The following MACC1 variants were observed in gnomAD, a reference collection of about 807,000 sequenced individuals.
MACC1 encodes the protein metastasis-associated in colon cancer protein 1.
Under a neutral mutation model 70.7 loss-of-function variants are expected in MACC1, and 79 were observed. That is an observed-to-expected ratio of 1.12 (90% CI 0.93 to 1.35). The LOEUF (loss-of-function observed/expected upper bound fraction) is 1.35, where lower values mean the gene tolerates loss of function less well. Among genes scored for constraint, MACC1 ranks in the 40% most tolerant of loss-of-function variants. MACC1 has a pLI of 0.00. For synonymous variants in MACC1, 361 were observed against 347.2 expected (o/e 1.04, Z -0.44); for missense variants, 1,106 against 978.1 (o/e 1.13, Z -1.74).
chr7:20,150,272 G>A (rs1335134315), intron 6 of MACC1, among the ~76,000 whole-genome samples: 2 of 152,082 alleles, frequency 1.3e-5, no homozygotes, highest in Admixed American at 1.3e-4. Context: ...AGAACTGATA[G>A]ACCCAGAATA....
chr7:20,204,356 G>A (rs570259114), intron 1 of MACC1, among the ~76,000 whole-genome samples: 3 of 152,050 alleles, frequency 2.0e-5, no homozygotes, highest in Non-Finnish European at 4.4e-5. Flanking sequence ...GGGTTTCACC[G>A]TGTTAGCCAG....
At chr7:20,182,227 A>G (rs902123624) in intron 1 of MACC1, among the ~76,000 whole-genome samples, 20 of 151,424 alleles carry the variant, frequency 1.3e-4, no homozygotes, top group Non-Finnish European at 2.8e-4. Context: ...GCATTAGGAG[A>G]TATACCTAAT....
In MACC1 at chr7:20,141,077, G is replaced by A. The variant is rs781376207; in HGVS notation, c.2428C>T (p.Leu810Phe). ...TTCATTCTGTCCAAAGCTGACTGAA[G>A]GTCTTGTAACACATCTCTGTAGTTA... The part of the protein sequence containing the change: ...GNNYRDVLQD[L>F]QSALDRMKNP... The change falls in exon 7 of 7, where the codon CTT becomes TTT. Residue 810 changes from leucine (L) to phenylalanine (F), a missense_variant. Leu to Phe is a conservative substitution (Grantham distance 22). Transcript: ENST00000400331. 2.5e-6 allele frequency: 4 copies of A among 1,613,644 alleles called. No homozygotes were observed. The highest frequency in any genetic ancestry group is 3.3e-4 in the Middle Eastern group (2 of 6,062).
intron 6 of MACC1, among the ~76,000 whole-genome samples, chr7:20,149,802 A>G (rs1276441457): frequency 6.6e-6 from 1 of 152,154 alleles, no homozygotes; most frequent in African/African-American, 2.4e-5. Context: ...CAAAGCTAGC[A>G]TGTCTCCTAA....
intron 1 of MACC1, among the ~76,000 whole-genome samples, chr7:20,175,675 G>A (rs1476187092): frequency 1.3e-5 from 2 of 152,070 alleles, no homozygotes; most frequent in African/African-American, 4.8e-5. Context: ...ATTTCATCCT[G>A]TCACCAGAAG....
At chr7:20,193,829 G>C (rs1782708440) in intron 1 of MACC1, among the ~76,000 whole-genome samples, 1 of 150,174 alleles carries the variant, frequency 6.7e-6, no homozygotes, top group African/African-American at 2.5e-5. Flanking sequence ...ACCCTTAGGA[G>C]CCAGAAAGCA....
At chr7:20,209,086 G>T (rs941823923) in intron 1 of MACC1, among the ~76,000 whole-genome samples, 1 of 152,198 alleles carries the variant, frequency 6.6e-6, no homozygotes, top group African/African-American at 2.4e-5. Context: ...TGGATATCTA[G>T]GCAGAAGTTT....
intron 6 of MACC1, among the ~76,000 whole-genome samples, chr7:20,144,238 C>T (rs531944594): frequency 1.3e-5 from 2 of 152,304 alleles, no homozygotes; most frequent in African/African-American, 2.4e-5. Flanking sequence ...TTGCATGACT[C>T]TTGCTTTTAG....
intron 6 of MACC1, among the ~76,000 whole-genome samples, chr7:20,147,741 A>G (rs1312416220): frequency 6.6e-6 from 1 of 152,206 alleles, no homozygotes; most frequent in Non-Finnish European, 1.5e-5. Flanking sequence ...AACCAGCTAA[A>G]TTTGGGTGAG....
intron 1 of MACC1, among the ~76,000 whole-genome samples, chr7:20,171,060 T>A (rs1204102515): frequency 1.3e-5 from 2 of 152,186 alleles, no homozygotes; most frequent in Non-Finnish European, 2.9e-5. Context: ...ATGAACTCTT[T>A]GTCAAAGCAG....
chr7:20,177,952 T>C (rs1283483255), intron 1 of MACC1, among the ~76,000 whole-genome samples: 1 of 152,110 alleles, frequency 6.6e-6, no homozygotes, highest in Admixed American at 6.5e-5. Flanking sequence ...TTTAAAAACA[T>C]GATTTTTAAA....
intron 1 of MACC1, among the ~76,000 whole-genome samples, chr7:20,182,001 C>T (rs889295267): frequency 1.3e-5 from 2 of 151,770 alleles, no homozygotes; most frequent in African/African-American, 4.8e-5. Flanking sequence ...CCATGGAATA[C>T]TATGCAGCCA....
At chr7:20,212,956 G>A (rs943287429) in intron 1 of MACC1, among the ~76,000 whole-genome samples, 2 of 152,158 alleles carry the variant, frequency 1.3e-5, no homozygotes, top group African/African-American at 2.4e-5. Flanking sequence ...AAAGAAATGA[G>A]ATCAGGGACT....
intron 1 of MACC1, among the ~76,000 whole-genome samples, chr7:20,173,310 C>T (rs993550123): frequency 2.6e-5 from 4 of 152,108 alleles, no homozygotes; most frequent in Non-Finnish European, 5.9e-5. Flanking sequence ...AAACATGTCT[C>T]GGGACTATGT....
At chr7:20,144,039 C>CA (rs1473779760) in intron 6 of MACC1, among the ~76,000 whole-genome samples, 1 of 152,120 alleles carries the variant, frequency 6.6e-6, no homozygotes, top group East Asian at 1.9e-4. Flanking sequence ...TCCTTTGGTG[C>CA]AAAAATTCAT....
chr7:20,157,617 C>T (rs377455142), intron 5 of MACC1, among the ~76,000 whole-genome samples: 1 of 145,982 alleles, frequency 6.9e-6, no homozygotes. Flanking sequence ...GACACTCATC[C>T]CTTAAAAAAA....
At chr7:20,169,827 C>G (rs1486741052) in intron 2 of MACC1, among the ~76,000 whole-genome samples, 1 of 152,158 alleles carries the variant, frequency 6.6e-6, no homozygotes, top group African/African-American at 2.4e-5. Flanking sequence ...ACATGCTGTT[C>G]ATAAGGATCA....
At position 20,139,870 on chromosome 7, in the gene MACC1, G is replaced by C. The variant is rs1026822671; in HGVS notation, c.*1076C>G. The C allele has an allele frequency of 6.6e-6, 1 of 150,466 alleles. No homozygotes were observed. Among genetic ancestry groups the C allele is most frequent in the South Asian group, 2.1e-4 (1 of 4,752 alleles). The allele number at this position is 150,466 out of a possible 1,614,324, so 9.3% of individuals were successfully genotyped here. On this transcript the variant is annotated 3_prime_UTR_variant, in exon 7 of 7. Coordinates refer to ENST00000400331, the MANE Select transcript of MACC1 (RefSeq NM_182762.4). ...CACACACACACACACACATGTGTTT[G>C]CATGAGCATGCCAACATAAAGATAT... is the stretch of plus-strand genomic sequence containing the variant.
chr7:20,191,290 C>T (rs1368722955), intron 1 of MACC1, among the ~76,000 whole-genome samples: 2 of 152,162 alleles, frequency 1.3e-5, no homozygotes, highest in African/African-American at 2.4e-5. Context: ...GTTGTAGAAC[C>T]CATGGGCCTA....
Sources: gnomAD v4.1 joint callset for allele counts (sites outside exome capture counted in the v4.1 genomes callset) on GRCh38, gnomAD v4.1.1 for gene constraint, MANE v1.5 for transcripts, NCBI Gene and HGNC (gene_info 2026-07-23, HGNC 2026-07-21) for gene names.